ZBTB20: variants seen among roughly 807,000 people sequenced by gnomAD.
ZBTB20 encodes zinc finger and BTB domain containing 20, also known as zinc finger and BTB domain-containing protein 20.
In ZBTB20, 9 loss-of-function variants were observed where a neutral mutation model predicts 56.9. The ratio of observed to expected loss-of-function variants is 0.16; its 90% CI spans 0.10 to 0.28. The LOEUF is 0.28. Among genes scored for constraint, ZBTB20 ranks in the 10% least tolerant of loss-of-function variants. The probability of loss-of-function intolerance (pLI) is 1.00; values close to 1 mark genes in which losing one functional copy is unlikely to be tolerated. For missense variants in ZBTB20, 655 were observed against 1,003.0 expected (o/e 0.65, Z 4.69); for synonymous variants, 417 against 420.7 (o/e 0.99, Z 0.11).
chr3:115,007,089 A>C (rs1163845791), intron 2 of ZBTB20, among the ~76,000 whole-genome samples: 1 of 151,778 alleles, frequency 6.6e-6, no homozygotes, highest in Non-Finnish European at 1.5e-5. Context: ...ATTTCTTTCT[A>C]CTTCTCATTG....
chr3:114,521,705 G>GA (rs959884443), intron 6 of ZBTB20, among the ~76,000 whole-genome samples: 2 of 151,882 alleles, frequency 1.3e-5, no homozygotes, highest in African/African-American at 4.8e-5. Flanking sequence ...TTTACTGAAT[G>GA]AAAAAAAAGT....
intron 1 of ZBTB20, among the ~76,000 whole-genome samples, chr3:115,120,698 A>G (rs1048890208): frequency 6.6e-6 from 1 of 152,102 alleles, no homozygotes; most frequent in African/African-American, 2.4e-5. Context: ...AAGTGAAATA[A>G]TTGTCCAAAG....
At chr3:114,495,418 G>A (rs1382865438) in intron 7 of ZBTB20, among the ~76,000 whole-genome samples, 1 of 151,836 alleles carries the variant, frequency 6.6e-6, no homozygotes. Flanking sequence ...CTATGGGCAT[G>A]TCCCTGAGGT....
chr3:114,575,051 A>C (rs552355340), intron 6 of ZBTB20, among the ~76,000 whole-genome samples: 9 of 152,312 alleles, frequency 5.9e-5, no homozygotes, highest in African/African-American at 2.2e-4. Flanking sequence ...TATAAATAAA[A>C]AAAAGTGGCC....
chr3:114,660,868 T>C (rs1008010403), intron 6 of ZBTB20, among the ~76,000 whole-genome samples: 2 of 151,650 alleles, frequency 1.3e-5, no homozygotes, highest in Admixed American at 6.6e-5. Context: ...ACTAGATAAA[T>C]AGATGGGGCG....
At chr3:114,734,572 T>A (rs1157567452) in intron 5 of ZBTB20, among the ~76,000 whole-genome samples, 1 of 152,092 alleles carries the variant, frequency 6.6e-6, no homozygotes, top group Non-Finnish European at 1.5e-5. Flanking sequence ...AAGAGTTAAG[T>A]TCTTATGGCA....
intron 2 of ZBTB20, among the ~76,000 whole-genome samples, chr3:115,032,813 A>T (rs554419567): frequency 5.3e-5 from 8 of 151,578 alleles, no homozygotes; most frequent in African/African-American, 1.7e-4. Context: ...AAACACCCAG[A>T]GATGAATGAA....
intron 1 of ZBTB20, among the ~76,000 whole-genome samples, chr3:115,092,900 G>A (rs951887150): frequency 1.3e-5 from 2 of 152,030 alleles, no homozygotes; most frequent in African/African-American, 2.4e-5. Flanking sequence ...CCACATAAAT[G>A]TCCGTTATTC....
intron 7 of ZBTB20, among the ~76,000 whole-genome samples, chr3:114,465,762 G>T (rs2092524184): frequency 6.6e-6 from 1 of 151,442 alleles, no homozygotes; most frequent in Admixed American, 6.6e-5. Flanking sequence ...AAAGAAGGAG[G>T]TCCAAAGTCC....
At chr3:114,439,326 C>A (rs886978940) in intron 7 of ZBTB20, among the ~76,000 whole-genome samples, 7 of 152,046 alleles carry the variant, frequency 4.6e-5, no homozygotes, top group Non-Finnish European at 8.8e-5. Flanking sequence ...AGGTGAATTA[C>A]CACAATAACT....
At chr3:114,723,090 G>T (rs535243732) in intron 5 of ZBTB20, among the ~76,000 whole-genome samples, 3 of 152,202 alleles carry the variant, frequency 2.0e-5, no homozygotes, top group South Asian at 4.1e-4. Context: ...CCCCAAATCT[G>T]TCTAACTTGC....
At chr3:114,975,887 T>C (rs2078078370) in intron 2 of ZBTB20, among the ~76,000 whole-genome samples, 1 of 152,214 alleles carries the variant, frequency 6.6e-6, no homozygotes, top group Non-Finnish European at 1.5e-5. Context: ...CTTTCTCTTT[T>C]TCACTGTAAC....
At chr3:114,669,449 G>C (rs929945659) in intron 6 of ZBTB20, among the ~76,000 whole-genome samples, 5 of 152,020 alleles carry the variant, frequency 3.3e-5, no homozygotes, top group African/African-American at 1.2e-4. Flanking sequence ...AAAACAGGTA[G>C]TTGTTTGAAA....
At chr3:114,444,719 A>C (rs912130474) in intron 7 of ZBTB20, among the ~76,000 whole-genome samples, 8 of 152,066 alleles carry the variant, frequency 5.3e-5, no homozygotes, top group Non-Finnish European at 1.2e-4. Context: ...CAACCCCCTC[A>C]TCAAATTTTT....
chr3:114,804,591 C>T (rs1248260618), intron 4 of ZBTB20, among the ~76,000 whole-genome samples: 3 of 151,826 alleles, frequency 2.0e-5, no homozygotes, highest in Non-Finnish European at 4.4e-5. Context: ...AATTATAATA[C>T]TTTAATTATT....
intron 5 of ZBTB20, among the ~76,000 whole-genome samples, chr3:114,719,092 GGAA>G (rs1006442754): frequency 4.1e-5 from 6 of 146,532 alleles, no homozygotes; most frequent in African/African-American, 1.3e-4. Flanking sequence ...CAAAAGGCCA[GGAA>G]GAAGAAGTAA....
At chr3:115,007,556 T>C (rs1042960274) in intron 2 of ZBTB20, among the ~76,000 whole-genome samples, 1 of 151,898 alleles carries the variant, frequency 6.6e-6, no homozygotes, top group Non-Finnish European at 1.5e-5. Flanking sequence ...AAGTTCTTTC[T>C]TCTTAGCATA....
chr3:114,323,375 T>G lies in ZBTB20; in HGVS notation c.*15630A>C, dbSNP rs2078961398. 6.6e-6 allele frequency: 1 copy of G among 152,246 alleles called. No individual in the cohort carries two copies. Among genetic ancestry groups the G allele is most frequent in the Non-Finnish European group, 1.5e-5 (1 of 68,046 alleles). The allele number at this position is 152,246 out of a possible 1,614,324, so 9.4% of individuals were successfully genotyped here. ...CACTGGTTTTCAGTGTTTATTGCAC[T>G]GTTCCCTATCTGTCATCTTAAAGGA... On this transcript the variant is annotated 3_prime_UTR_variant, in exon 12 of 12. Coordinates refer to ENST00000675478, the MANE Select transcript of ZBTB20 (RefSeq NM_001348800.3).
intron 6 of ZBTB20, among the ~76,000 whole-genome samples, chr3:114,683,190 T>C (rs1172331108): frequency 6.6e-6 from 1 of 152,164 alleles, no homozygotes; most frequent in East Asian, 1.9e-4. Context: ...GACATTTTGG[T>C]TAAAAAGGAG....
Sources: gnomAD v4.1 joint callset for allele counts (sites outside exome capture counted in the v4.1 genomes callset) on GRCh38, gnomAD v4.1.1 for gene constraint, MANE v1.5 for transcripts, NCBI Gene and HGNC (gene_info 2026-07-23, HGNC 2026-07-21) for gene names.